Variants in TBC1D10A observed in about 807,000 individuals in gnomAD.
TBC1D10A encodes EBP50-PDX interactor of 64 kDa.
TBC1D10A carries 24 observed loss-of-function variants against 52.9 expected under a neutral mutation model. That is an observed-to-expected ratio of 0.45 (90% CI 0.33 to 0.64). The LOEUF is 0.64. Among genes scored for constraint, TBC1D10A ranks in the 30% least tolerant of loss-of-function variants. The pLI is 0.02. For missense variants in TBC1D10A, 602 were observed against 687.9 expected, an observed-to-expected ratio of 0.88 and a Z score of 1.40; for synonymous variants, 278 against 282.9, an observed-to-expected ratio of 0.98 and a Z score of 0.17.
intron 1 of TBC1D10A, among the ~76,000 whole-genome samples, chr22:30,325,244 G>C (rs1736949796): frequency 6.6e-6 from 1 of 152,238 alleles, no homozygotes; most frequent in East Asian, 1.9e-4. Context: ...GATCCAGTGG[G>C]TGAGAGGGAA....
intron 1 of TBC1D10A, among the ~76,000 whole-genome samples, chr22:30,306,728 G>T (rs1178787950): frequency 6.6e-6 from 1 of 152,136 alleles, no homozygotes; most frequent in Non-Finnish European, 1.5e-5. Flanking sequence ...CATCTGAATG[G>T]CTTTTCCTTT....
At chr22:30,326,015 G>A (rs565675834) in intron 1 of TBC1D10A, among the ~76,000 whole-genome samples, 1 of 152,216 alleles carries the variant, frequency 6.6e-6, no homozygotes, top group East Asian at 1.9e-4. Flanking sequence ...GAGCGGATAG[G>A]GGGCCCTTCT....
At chr22:30,304,386 G>T in intron 2 of TBC1D10A, 145 bp downstream of exon 2, 1 of 1,394,622 alleles carries the variant, frequency 7.2e-7, no homozygotes, top group Non-Finnish European at 9.7e-7. Context: ...GCCAGCTTCT[G>T]TCCTGCACTG....
At chr22:30,294,684 A>G in intron 6 of TBC1D10A, 112 bp downstream of exon 6, 1 of 1,426,882 alleles carries the variant, frequency 7.0e-7, no homozygotes, top group Non-Finnish European at 9.7e-7. Context: ...CCTCAAGGCA[A>G]CAGAAGGCCG....
chr22:30,303,481 A>AT (rs1174502527), intron 2 of TBC1D10A, among the ~76,000 whole-genome samples: 4 of 152,226 alleles, frequency 2.6e-5, no homozygotes, highest in Non-Finnish European at 4.4e-5. Context: ...CAACAGGATT[A>AT]TCACTCCCAT....
chr22:30,320,618 GATTCACC>G (rs1250577929), intron 1 of TBC1D10A, among the ~76,000 whole-genome samples: 1 of 152,168 alleles, frequency 6.6e-6, no homozygotes, highest in Non-Finnish European at 1.5e-5. Context: ...GGGAAGTAAG[GATTCACC>G]ATGGGTTAGG....
rs1485558262 is a variant in TBC1D10A at position 30,297,295 on chromosome 22, G to T, written c.418-1452C>A. ...GGCCCCACACACCCTTGTGATGGGG[G>T]TCTGTGTACTGTGCACCTCTAAGTA... is the stretch of plus-strand genomic sequence containing the variant. On this transcript the variant is annotated intron_variant, in intron 3 of 8. Coordinates refer to ENST00000215790, the MANE Select transcript of TBC1D10A (RefSeq NM_031937.3). This position sits in a 1 kb window ranked among gnomAD's most constrained non-coding sequence, Gnocchi z 4.3. The T allele has an allele frequency of 6.6e-6, 1 of 152,270 alleles. No homozygotes were observed. Among genetic ancestry groups the T allele is most frequent in the African/African-American group, 2.4e-5 (1 of 41,446 alleles). 9.4% of individuals were successfully genotyped at this position (152,270 alleles called of 1,614,324 possible). A position where few individuals can be genotyped will look rare whatever the true frequency, so the allele number is the denominator to read the frequency against.
Position 30,292,552 on chromosome 22 carries a change from G to A in TBC1D10A, c.1350C>T (p.Ala450=). 1 of 1,613,652 alleles carries A rather than the reference G, an allele frequency of 6.2e-7. No individual in the cohort carries two copies. Among genetic ancestry groups the A allele is most frequent in the Non-Finnish European group, 8.5e-7 (1 of 1,179,918 alleles). The change falls in exon 9 of 9, where the codon GCC becomes GCT. Residue 450 remains alanine (A), a synonymous_variant. Transcript: ENST00000215790. Reference sequence around the variant, plus strand: ...CGGCCACCACCATGGCTTGATTTGGGGCTGGGGGCTTCTCCAGCTGCCCTC... The same window carrying A: ...CGGCCACCACCATGGCTTGATTTGGAGCTGGGGGCTTCTCCAGCTGCCCTC... ...KGRGQLEKPP[A]PNQAMVVAAA... is the part of the protein sequence containing the mutation.
At chr22:30,301,292 G>A (rs1041742798) in intron 2 of TBC1D10A, among the ~76,000 whole-genome samples, 3 of 152,112 alleles carry the variant, frequency 2.0e-5, no homozygotes, top group African/African-American at 4.8e-5. Context: ...GGGGAGGGGT[G>A]AGATGGCCAA....
intron 1 of TBC1D10A, among the ~76,000 whole-genome samples, chr22:30,321,954 A>G (rs1930661340): frequency 6.7e-6 from 1 of 149,620 alleles, no homozygotes; most frequent in Non-Finnish European, 1.5e-5. Context: ...TGCTGAAAAC[A>G]TCTTTTTCCT....
intron 1 of TBC1D10A, among the ~76,000 whole-genome samples, chr22:30,308,958 A>T (rs1299740528): frequency 6.6e-6 from 1 of 152,236 alleles, no homozygotes; most frequent in Non-Finnish European, 1.5e-5. Context: ...CTAATAAGTA[A>T]GTAGCTGACC....
At chr22:30,293,009 C>T (rs1025301622) in intron 8 of TBC1D10A, 158 bp from the exon 9 acceptor site, 172 of 739,796 alleles carry the variant, frequency 2.3e-4, no homozygotes, top group Non-Finnish European at 3.1e-4. Context: ...GCTGCAGTCA[C>T]GAGCCCCACA....
intron 1 of TBC1D10A, among the ~76,000 whole-genome samples, chr22:30,316,428 T>A (rs148248175): frequency 2.0e-5 from 3 of 151,958 alleles, no homozygotes; most frequent in Non-Finnish European, 4.4e-5. Context: ...TGGTACCACA[T>A]AGAGAACTTC....
chr22:30,317,439 C>A (rs1379833560), intron 1 of TBC1D10A, among the ~76,000 whole-genome samples: 1 of 151,846 alleles, frequency 6.6e-6, no homozygotes, highest in Non-Finnish European at 1.5e-5. Context: ...AAAACAAAAC[C>A]AAGATTAAGC....
chr22:30,308,990 G>T (rs1041000723), intron 1 of TBC1D10A, among the ~76,000 whole-genome samples: 4 of 152,206 alleles, frequency 2.6e-5, no homozygotes, highest in African/African-American at 9.7e-5. Flanking sequence ...CTCTGTCACA[G>T]TGACCTATAT....
chr22:30,308,453 A>G (rs928832002), intron 1 of TBC1D10A, among the ~76,000 whole-genome samples: 1 of 151,508 alleles, frequency 6.6e-6, no homozygotes, highest in Non-Finnish European at 1.5e-5. Context: ...CACAACACAC[A>G]TACACACACA....
rs1380189721 is a variant in TBC1D10A, at chr22:30,297,193, G to C, written c.418-1350C>G. On this transcript the variant is annotated intron_variant, in intron 3 of 8. Coordinates refer to ENST00000215790, the MANE Select transcript of TBC1D10A (RefSeq NM_031937.3). This position sits in a 1 kb window ranked among gnomAD's most constrained non-coding sequence, Gnocchi z 4.3. ...GCTGACAGAGTGTTCAGGGCTGGAG[G>C]GGACAGGGAGGGGCTGGGGCCTCCA... 6.6e-6 allele frequency: 1 copy of C among 152,464 alleles called. No homozygotes were observed. The highest frequency in any genetic ancestry group is 1.5e-5 in the Non-Finnish European group (1 of 68,172). 9.4% of individuals were successfully genotyped at this position (152,464 alleles called of 1,614,324 possible).
Position 30,299,435 on chromosome 22 carries a change from G to A in TBC1D10A, c.417+9C>T, listed in dbSNP as rs1443233134. The A allele has an allele frequency of 1.2e-6, 2 of 1,613,674 alleles. No homozygotes were observed. Among genetic ancestry groups the A allele is most frequent in the Non-Finnish European group, 1.7e-6 (2 of 1,179,732 alleles). ...GAAGGGAGGGCAGGGCAAAGGAAGG[G>A]AAACTTACGTCAAACTTTCCAGGGT... is the stretch of plus-strand genomic sequence containing the variant. On this transcript the variant is annotated intron_variant, in intron 3 of 8. Transcript: ENST00000215790.
chr22:30,295,867 G>A (rs370052736), intron 3 of TBC1D10A, 24 bp from the exon 4 acceptor site: 1 of 1,599,420 alleles, frequency 6.3e-7, no homozygotes, highest in African/African-American at 1.3e-5. Context: ...CACAAATTAG[G>A]GGCTGGGGAG....
Sources: allele counts gnomAD v4.1 joint callset (sites outside exome capture counted in the v4.1 genomes callset), GRCh38; gene constraint gnomAD v4.1.1; non-coding constraint Gnocchi (gnomAD v3.1); transcripts MANE v1.5; gene names NCBI Gene and HGNC (gene_info 2026-07-23, HGNC 2026-07-21).